The following PDE7A variants were observed in gnomAD, a reference collection of about 807,000 sequenced individuals.
The protein encoded by PDE7A is phosphodiesterase 7A.
PDE7A carries 39 observed loss-of-function variants against 64.3 expected under a neutral mutation model. The observed-to-expected ratio is 0.61, with a 90% confidence interval of 0.47 to 0.79. The LOEUF is 0.79. PDE7A is among the 30% of genes least tolerant of loss of function. The probability of loss-of-function intolerance (pLI) is 0.00; values close to 1 mark genes in which losing one functional copy is unlikely to be tolerated. For synonymous variants in PDE7A, 203 were observed against 206.8 expected, an observed-to-expected ratio of 0.98 and a Z score of 0.16; for missense variants, 470 against 582.8, an observed-to-expected ratio of 0.81 and a Z score of 1.99.
intron 12 of PDE7A, 61 bp from the exon 13 acceptor site, chr8:65,719,556 C>A: frequency 9.2e-7 from 1 of 1,087,964 alleles, no homozygotes. Context: ...TTTAAAACAT[C>A]ATCTATACAA....
chr8:65,744,086 G>C (rs112728899), intron 5 of PDE7A, among the ~76,000 whole-genome samples: 1 of 152,142 alleles, frequency 6.6e-6, no homozygotes, highest in East Asian at 1.9e-4. Context: ...ACCAGCCTTG[G>C]CCTGCCAAAG....
At chr8:65,733,651 G>A (rs1806998769) in intron 7 of PDE7A, among the ~76,000 whole-genome samples, 1 of 152,214 alleles carries the variant, frequency 6.6e-6, no homozygotes, top group South Asian at 2.1e-4. Context: ...GTGGTTGGGA[G>A]TATACATTTG....
chr8:65,821,500 T>C (rs1377445470), intron 1 of PDE7A, among the ~76,000 whole-genome samples: 1 of 152,226 alleles, frequency 6.6e-6, no homozygotes, highest in African/African-American at 2.4e-5. Context: ...TTATACAGTA[T>C]CTTGATATTC....
chr8:65,724,893 G>A lies in PDE7A; in HGVS notation c.949C>T (p.Leu317=). The change falls in exon 10 of 13, where the codon CTG becomes TTG. Residue 317 remains leucine, a synonymous_variant. Transcript: ENST00000401827. ...CGACTGATGTCTGTGGCTAGTATCA[G>A]AGCACCTATCTGTGTCTCCATTTGT... ...RQQMETQIGA[L]ILATDISRQN... 6.2e-7 allele frequency: 1 copy of A among 1,608,928 alleles called. No homozygotes were observed. Among genetic ancestry groups the A allele is most frequent in the Non-Finnish European group, 8.5e-7 (1 of 1,176,492 alleles).
intron 1 of PDE7A, among the ~76,000 whole-genome samples, chr8:65,788,513 C>A (rs1563508151): frequency 6.6e-6 from 1 of 152,084 alleles, no homozygotes; most frequent in East Asian, 1.9e-4. Context: ...TTTAAATACA[C>A]AAGTGTTATT....
intron 1 of PDE7A, among the ~76,000 whole-genome samples, chr8:65,811,983 G>C (rs928372708): frequency 1.3e-5 from 2 of 152,090 alleles, no homozygotes; most frequent in African/African-American, 4.8e-5. Context: ...AAGGCAAGTG[G>C]ATCAGTTGAG....
At chr8:65,758,789 C>T (rs961108510) in intron 3 of PDE7A, among the ~76,000 whole-genome samples, 1 of 152,146 alleles carries the variant, frequency 6.6e-6, no homozygotes, top group East Asian at 1.9e-4. Context: ...TCTTTAATGG[C>T]ACTCTAAGCA....
intron 1 of PDE7A, among the ~76,000 whole-genome samples, chr8:65,828,862 A>G (rs1052343020): frequency 1.2e-4 from 18 of 152,062 alleles, no homozygotes; most frequent in African/African-American, 4.3e-4. Context: ...ATGTTTTGCT[A>G]CATTTATATT....
At chr8:65,759,315 C>G (rs1485613110) in intron 3 of PDE7A, among the ~76,000 whole-genome samples, 1 of 152,218 alleles carries the variant, frequency 6.6e-6, no homozygotes, top group South Asian at 2.1e-4. Context: ...ACAGATGCCA[C>G]TGGGGGAAAC....
chr8:65,767,875 T>C (rs900160718), intron 3 of PDE7A, among the ~76,000 whole-genome samples: 1 of 152,138 alleles, frequency 6.6e-6, no homozygotes, highest in African/African-American at 2.4e-5. Flanking sequence ...AGCAAATTAA[T>C]CCAACCCAAA....
At chr8:65,742,783 T>C (rs970907519) in intron 5 of PDE7A, among the ~76,000 whole-genome samples, 3 of 152,200 alleles carry the variant, frequency 2.0e-5, no homozygotes, top group Non-Finnish European at 4.4e-5. Flanking sequence ...AATGTATAAA[T>C]CTCCACCTCT....
rs577965356 is a variant in PDE7A at position 65,779,474 on chromosome 8, T to G, written c.283+246A>C. On this transcript the variant is annotated intron_variant, in intron 3 of 12. Coordinates refer to ENST00000401827, the MANE Select transcript of PDE7A (RefSeq NM_001242318.3). Reference sequence around the variant, plus strand: ...AAAAATCTTTTTAAAGAAAAAAAAGTAATAAATTAGAGGAGAAGAGAAAAG... The same window carrying G: ...AAAAATCTTTTTAAAGAAAAAAAAGGAATAAATTAGAGGAGAAGAGAAAAG... Among the ~76,000 whole-genome samples, 38 of 152,294 alleles carry G rather than the reference T, an allele frequency of 2.5e-4. 1 individual carries two copies. In the East Asian group the frequency reaches 5.2e-3, roughly 21 times the overall value.
intron 1 of PDE7A, among the ~76,000 whole-genome samples, chr8:65,820,718 T>C (rs1441925072): frequency 2.0e-5 from 3 of 152,080 alleles, no homozygotes; most frequent in African/African-American, 7.2e-5. Context: ...GCCTCTCAAG[T>C]AGCTGGGACT....
chr8:65,832,460 T>A (rs538602040), intron 1 of PDE7A, among the ~76,000 whole-genome samples: 5 of 152,152 alleles, frequency 3.3e-5, no homozygotes, highest in Non-Finnish European at 7.4e-5. Context: ...AAAATACTAA[T>A]TTAAGTATTA....
At chr8:65,757,971 C>T (rs1444687345) in intron 3 of PDE7A, among the ~76,000 whole-genome samples, 3 of 152,180 alleles carry the variant, frequency 2.0e-5, no homozygotes, top group Non-Finnish European at 4.4e-5. Flanking sequence ...AACCCACTTA[C>T]TCATTTATTT....
intron 3 of PDE7A, chr8:65,765,488 C>CAAAAAAAAAAA (rs11342419): frequency 6.7e-5 from 3 of 44,608 alleles, no homozygotes; most frequent in Non-Finnish European, 1.1e-4. Flanking sequence ...GACTCCGTCT[C>CAAAAAAAAAAA]AAAAAAAAAA....
In PDE7A at chr8:65,745,675, T is replaced by G. The variant is rs191831262; in HGVS notation, c.436-205A>C. 2.0e-5 allele frequency among the ~76,000 whole-genome samples: 3 copies of G among 152,316 alleles called. No individual in the cohort carries two copies. In the East Asian group the frequency reaches 5.8e-4, roughly 29 times the overall value. ...AAACTCCATTTGAAAAATGAAACAT[T>G]ATTTTGTTTTTCAATTAATGAATGC... On this transcript the variant is annotated intron_variant, in intron 4 of 12. Transcript: ENST00000401827.
intron 2 of PDE7A, among the ~76,000 whole-genome samples, chr8:65,780,302 T>G (rs528186259): frequency 2.0e-5 from 3 of 152,278 alleles, no homozygotes; most frequent in East Asian, 3.9e-4. Context: ...GAAAATACAT[T>G]ACTTATTTTT....
chr8:65,797,246 G>A lies in PDE7A; in HGVS notation c.139-14403C>T, dbSNP rs377050467. ...GTAAATGTGACCTCATTTGGAAACAGGTTTTTGCAAATGTAATCAAGTTAA... is the reference window on the plus strand; with the variant it reads ...GTAAATGTGACCTCATTTGGAAACAAGTTTTTGCAAATGTAATCAAGTTAA... On this transcript the variant is annotated intron_variant, in intron 1 of 12. Transcript: ENST00000401827. Among the ~76,000 whole-genome samples, 19 of 152,180 alleles carry A rather than the reference G, an allele frequency of 1.2e-4. No individual in the cohort carries two copies. The East Asian group carries it at 1.7e-3, about 14-fold the overall frequency.
Sources: gnomAD v4.1 joint callset for allele counts (sites outside exome capture counted in the v4.1 genomes callset) on GRCh38, gnomAD v4.1.1 for gene constraint, MANE v1.5 for transcripts, NCBI Gene and HGNC (gene_info 2026-07-23, HGNC 2026-07-21) for gene names.